Variants in WWOX observed in about 807,000 individuals in gnomAD.
The protein encoded by WWOX is WW domain-containing oxidoreductase.
A neutral mutation model predicts 46.2 loss-of-function variants in WWOX; 69 were observed. That is an observed-to-expected ratio of 1.49 (90% CI 1.23 to 1.82). The LOEUF (loss-of-function observed/expected upper bound fraction) is 1.82. Among genes scored for constraint, WWOX ranks in the 40% most tolerant of loss-of-function variants. The pLI is 0.00. For synonymous variants in WWOX, 359 were observed against 202.6 expected (o/e 1.77, Z -6.56); for missense variants, 919 against 542.6 (o/e 1.69, Z -6.89).
chr16:78,539,199 C>T (rs1243568778), intron 8 of WWOX, among the ~76,000 whole-genome samples: 1 of 152,114 alleles, frequency 6.6e-6, no homozygotes, highest in Non-Finnish European at 1.5e-5. Context: ...AGTAATTGCT[C>T]AATAAATATG....
chr16:78,614,961 A>G (rs1485643442), intron 8 of WWOX, among the ~76,000 whole-genome samples: 1 of 152,128 alleles, frequency 6.6e-6, no homozygotes, highest in Non-Finnish European at 1.5e-5. Flanking sequence ...ATCAGTTGAT[A>G]CATGTTTAAT....
intron 8 of WWOX, among the ~76,000 whole-genome samples, chr16:78,979,358 G>A (rs2046635963): frequency 6.6e-6 from 1 of 152,112 alleles, no homozygotes; most frequent in South Asian, 2.1e-4. Flanking sequence ...TTGGCTCCAA[G>A]TGAAAACTGC....
chr16:78,527,810 T>G, intron 8 of WWOX, among the ~76,000 whole-genome samples: 2 of 150,144 alleles, frequency 1.3e-5, no homozygotes, highest in African/African-American at 4.9e-5. Context: ...TTCAGGAGGG[T>G]AGAGGATAGG....
chr16:79,026,678 C>T (rs1022818205), intron 8 of WWOX, among the ~76,000 whole-genome samples: 5 of 132,498 alleles, frequency 3.8e-5, no homozygotes, highest in East Asian at 4.5e-4. Flanking sequence ...AGTGCAGTGG[C>T]GCGATCTCAG....
intron 8 of WWOX, among the ~76,000 whole-genome samples, chr16:78,434,105 A>G (rs533499658): frequency 6.6e-6 from 1 of 152,300 alleles, no homozygotes. Flanking sequence ...TGACTTTTAA[A>G]ACCACATCAA....
intron 8 of WWOX, among the ~76,000 whole-genome samples, chr16:78,720,459 T>C (rs1046780848): frequency 2.4e-5 from 3 of 125,582 alleles, no homozygotes; most frequent in African/African-American, 3.2e-5. Flanking sequence ...ATTTGCAATG[T>C]TATTTTTTTT....
intron 8 of WWOX, among the ~76,000 whole-genome samples, chr16:78,619,456 G>C (rs2046122703): frequency 6.7e-6 from 1 of 150,052 alleles, no homozygotes; most frequent in South Asian, 2.1e-4. Flanking sequence ...GCACATGGGT[G>C]ACCCGCACCC....
rs968148067 is a variant in WWOX at position 78,827,638 on chromosome 16, G to A, written c.1057-383970G>A. On this transcript the variant is annotated intron_variant, in intron 8 of 8. Coordinates refer to ENST00000566780, the MANE Select transcript of WWOX (RefSeq NM_016373.4). Reference sequence around the variant, plus strand: ...ACCTGAGGTCAGGACTTCGAGACCAGCCTGGCCAACATGGTGAAACCCCAT... The same window carrying A: ...ACCTGAGGTCAGGACTTCGAGACCAACCTGGCCAACATGGTGAAACCCCAT... 4.6e-5 allele frequency among the ~76,000 whole-genome samples: 7 copies of A among 151,208 alleles called. No individual in the cohort carries two copies. In the South Asian group the frequency reaches 1.0e-3, roughly 23 times the overall value.
chr16:78,133,053 A>G (rs762555497), intron 4 of WWOX, among the ~76,000 whole-genome samples: 1 of 152,164 alleles, frequency 6.6e-6, no homozygotes, highest in South Asian at 2.1e-4. Context: ...ACTTCTTATT[A>G]TGTAAAATGG....
intron 6 of WWOX, among the ~76,000 whole-genome samples, chr16:78,418,675 T>C (rs1337018077): frequency 6.6e-6 from 1 of 152,114 alleles, no homozygotes; most frequent in African/African-American, 2.4e-5. Context: ...CAATATAATA[T>C]AACATAATAG....
intron 8 of WWOX, among the ~76,000 whole-genome samples, chr16:78,947,677 A>G (rs143923250): frequency 2.9e-4 from 44 of 152,308 alleles, no homozygotes; most frequent in African/African-American, 9.4e-4. Flanking sequence ...TTGTTCAATA[A>G]AGCAATTGCT....
At chr16:78,758,451 A>G (rs2049711609) in intron 8 of WWOX, among the ~76,000 whole-genome samples, 1 of 152,162 alleles carries the variant, frequency 6.6e-6, no homozygotes, top group Non-Finnish European at 1.5e-5. Context: ...ATCATCCATA[A>G]ATTGGTTAGG....
chr16:78,309,040 T>G (rs2080185313), intron 5 of WWOX, among the ~76,000 whole-genome samples: 1 of 152,172 alleles, frequency 6.6e-6, no homozygotes, highest in African/African-American at 2.4e-5. Context: ...TCCTTTCTAT[T>G]GATCTCAGGT....
intron 8 of WWOX, among the ~76,000 whole-genome samples, chr16:78,595,774 A>C (rs1015789343): frequency 2.0e-5 from 3 of 152,048 alleles, no homozygotes; most frequent in Non-Finnish European, 2.9e-5. Flanking sequence ...ATCATCTCAA[A>C]CCTTTATTAT....
chr16:78,845,540 T>C lies in WWOX; in HGVS notation c.1057-366068T>C, dbSNP rs112388859. ...AAACATATTTTTAAAGAAAGTGTAATTTTCCCCCAAAAGCAAGGGTTTTCC... is the reference window on the plus strand; with the variant it reads ...AAACATATTTTTAAAGAAAGTGTAACTTTCCCCCAAAAGCAAGGGTTTTCC... On this transcript the variant is annotated intron_variant, in intron 8 of 8. Coordinates refer to ENST00000566780, the MANE Select transcript of WWOX (RefSeq NM_016373.4). Among the ~76,000 whole-genome samples, 401 of 152,282 alleles carry C rather than the reference T, an allele frequency of 2.6e-3. 6 individuals are homozygous for C. Among genetic ancestry groups the C allele is most frequent in the African/African-American group, 9.0e-3 (376 of 41,550 alleles).
chr16:78,919,365 G>T (rs1042418672), intron 8 of WWOX, among the ~76,000 whole-genome samples: 1 of 151,900 alleles, frequency 6.6e-6, no homozygotes, highest in African/African-American at 2.4e-5. Flanking sequence ...TTGCATCCAG[G>T]CAGTTGAGTC....
chr16:78,625,190 C>A (rs146316404), intron 8 of WWOX, among the ~76,000 whole-genome samples: 2 of 152,204 alleles, frequency 1.3e-5, no homozygotes, highest in African/African-American at 4.8e-5. Flanking sequence ...AACTCAGCTT[C>A]ATGAGGACAG....
intron 5 of WWOX, among the ~76,000 whole-genome samples, chr16:78,386,026 C>G (rs966322617): frequency 2.6e-5 from 4 of 152,210 alleles, no homozygotes; most frequent in Non-Finnish European, 5.9e-5. Flanking sequence ...ACCATTGCTT[C>G]AAATCCCGAC....
intron 8 of WWOX, among the ~76,000 whole-genome samples, chr16:79,042,699 C>G (rs1291764635): frequency 6.7e-6 from 1 of 148,590 alleles, no homozygotes; most frequent in Non-Finnish European, 1.5e-5. Flanking sequence ...TTCAGGAAGA[C>G]TTTGTGGGAA....
Sources: allele counts gnomAD v4.1 joint callset (sites outside exome capture counted in the v4.1 genomes callset), GRCh38; gene constraint gnomAD v4.1.1; transcripts MANE v1.5; gene names NCBI Gene and HGNC (gene_info 2026-07-23, HGNC 2026-07-21).